The following CFAP74 variants were observed in gnomAD, a reference collection of about 807,000 sequenced individuals.
CFAP74 encodes cilia and flagella associated protein 74, also known as cilia- and flagella-associated protein 74.
Under a neutral mutation model 188.9 loss-of-function variants are expected in CFAP74, and 124 were observed. That is an observed-to-expected ratio of 0.66 (90% CI 0.57 to 0.76). CFAP74 has a LOEUF of 0.76. Ranked by LOEUF, CFAP74 falls within the 30% of genes least tolerant of loss-of-function variation. The pLI, the probability that CFAP74 is intolerant of heterozygous loss-of-function variation, is 0.00. For synonymous variants in CFAP74, 956 were observed against 916.7 expected, an observed-to-expected ratio of 1.04 and a Z score of -0.77; for missense variants, 2,198 against 2,165.2, an observed-to-expected ratio of 1.02 and a Z score of -0.30.
Position 1,942,126 on chromosome 1 carries a change from C to G in CFAP74, c.2517G>C (p.Glu839Asp). 1 of 1,527,776 alleles carries G rather than the reference C, an allele frequency of 6.5e-7. No individual in the cohort carries two copies. The highest frequency in any genetic ancestry group is 8.7e-7 in the Non-Finnish European group (1 of 1,143,686). 94.6% of individuals were successfully genotyped at this position (1,527,776 alleles called of 1,614,324 possible). ...GGTGGGCCCTCAGCTCCTTGCACAC[C>G]TCGAACTTCAGGCGCAGGGCAGCTT... ...RSKAALRLKF[E>D]VCKELRAHLE... is the part of the protein sequence containing the mutation. The change falls in exon 22 of 39, where the codon GAG becomes GAC. Residue 839 changes from glutamate to aspartate, a missense_variant. Glu to Asp is a conservative substitution (Grantham distance 45). Transcript: ENST00000682832. The surrounding 1 kb of genome is among the most constrained non-coding windows in gnomAD (Gnocchi z 4.3).
chr1:1,995,825 A>G (rs13302991), intron 1 of CFAP74, among the ~76,000 whole-genome samples: 51,167 of 148,018 alleles, frequency 0.35, 9,554 homozygotes, highest in African/African-American at 0.51. Context: ...GGAGAATGGC[A>G]TGAACCCGGG....
chr1:1,951,446 G>A (rs1189079074), intron 18 of CFAP74, among the ~76,000 whole-genome samples: 3 of 152,116 alleles, frequency 2.0e-5, no homozygotes, highest in African/African-American at 7.2e-5. Flanking sequence ...TTGCACCTCT[G>A]TTCAAAACCA....
rs1200747559 is a variant in CFAP74 at position 1,946,412 on chromosome 1, T to C, written c.2269A>G (p.Ser757Gly). 2.0e-6 allele frequency: 3 copies of C among 1,536,880 alleles called. No homozygotes were observed. The highest frequency in any genetic ancestry group is 2.0e-5 in the Admixed American group (1 of 50,940). The change falls in exon 20 of 39, where the codon AGC becomes GGC. Residue 757 changes from serine (S) to glycine (G), a missense_variant. By Grantham distance (56) the Ser-to-Gly change is moderately conservative (BLOSUM62 0). Transcript: ENST00000682832. Reference sequence around the variant, plus strand: ...AAGACGATGGGCACCTTGATGGAGCTGAAGGGGCCAATTTCCCCTTCTGTT... The same window carrying C: ...AAGACGATGGGCACCTTGATGGAGCCGAAGGGGCCAATTTCCCCTTCTGTT... ...EVTEGEIGPF[S>G]SIKVPIVFTP...
chr1:1,925,354 G>A (rs112502664), intron 33 of CFAP74, among the ~76,000 whole-genome samples: 1 of 152,146 alleles, frequency 6.6e-6, no homozygotes, highest in Non-Finnish European at 1.5e-5. Context: ...AGGCATGAGA[G>A]CACACAGGGC....
At chr1:1,977,900 C>T (rs531597033) in intron 6 of CFAP74, among the ~76,000 whole-genome samples, 26 of 152,294 alleles carry the variant, frequency 1.7e-4, no homozygotes, top group Admixed American at 1.0e-3. Context: ...AGTGCAGTGG[C>T]GCAGTCTCAG....
At chr1:1,977,083 C>T (rs977638559) in intron 6 of CFAP74, among the ~76,000 whole-genome samples, 5 of 152,036 alleles carry the variant, frequency 3.3e-5, no homozygotes, top group South Asian at 2.1e-4. Context: ...CTCCTGACCT[C>T]ATGATCCACC....
intron 18 of CFAP74, among the ~76,000 whole-genome samples, chr1:1,948,577 T>G (rs541380491): frequency 3.5e-4 from 51 of 143,772 alleles, no homozygotes; most frequent in Admixed American, 5.7e-4. Flanking sequence ...TTCTAGTCTT[T>G]TCTTTCCTTT....
At position 1,974,134 on chromosome 1, in the gene CFAP74, C is replaced by CA; in HGVS notation, c.564dup (p.Glu189Ter). On this transcript the variant is annotated frameshift_variant, in exon 7 of 39. Coordinates refer to ENST00000682832, the MANE Select transcript of CFAP74 (RefSeq NM_001304360.2). LOFTEE classifies it high-confidence loss of function. ...CGCCGCCCCGTGGCCTCCACCTCCTCACGGTCAGCTGTCCGGAAGGCCTCG... is the reference window on the plus strand; with the variant it reads ...CGCCGCCCCGTGGCCTCCACCTCCTCAACGGTCAGCTGTCCGGAAGGCCTCG... The CA allele has an allele frequency of 6.2e-7, 1 of 1,612,752 alleles. No individual in the cohort carries two copies. Among genetic ancestry groups the CA allele is most frequent in the Non-Finnish European group, 8.5e-7 (1 of 1,179,360 alleles).
rs551826396 is a variant in CFAP74, at chr1:1,954,951, T to C, written c.2176+740A>G. ...ACCACGAACGCTCCCAAGTGTGCACTGGCAGAAGGACGGATCTAGAACCCG... is the reference window on the plus strand; with the variant it reads ...ACCACGAACGCTCCCAAGTGTGCACCGGCAGAAGGACGGATCTAGAACCCG... On this transcript the variant is annotated intron_variant, in intron 18 of 38. Coordinates refer to ENST00000682832, the MANE Select transcript of CFAP74 (RefSeq NM_001304360.2). 2.3e-4 allele frequency: 270 copies of C among 1,194,276 alleles called. 5 individuals carry two copies. The highest frequency in any genetic ancestry group is 2.7e-4 in the Non-Finnish European group (258 of 947,378). 74.0% of individuals were successfully genotyped at this position (1,194,276 alleles called of 1,614,324 possible).
chr1:1,972,287 G>T (rs1489791930), intron 8 of CFAP74, among the ~76,000 whole-genome samples: 2 of 152,220 alleles, frequency 1.3e-5, no homozygotes, highest in South Asian at 2.1e-4. Context: ...GCCGTGTGGG[G>T]TGTTAATTAC....
Position 1,981,518 on chromosome 1 carries a change from T to G in CFAP74, c.500+3868A>C, listed in dbSNP as rs377696656. On this transcript the variant is annotated intron_variant, in intron 6 of 38. Coordinates refer to ENST00000682832, the MANE Select transcript of CFAP74 (RefSeq NM_001304360.2). Reference sequence around the variant, plus strand: ...CAGGACACCCAACCACGGACAGACATGGGGGCACGCAGGACACACAGCCGC... The same window carrying G: ...CAGGACACCCAACCACGGACAGACAGGGGGGCACGCAGGACACACAGCCGC... Among the ~76,000 whole-genome samples the G allele has an allele frequency of 4.5e-3, 155 of 34,814 alleles. 10 individuals carry two copies. The highest frequency in any genetic ancestry group is 0.014 in the East Asian group (14 of 970). 22.8% of individuals were successfully genotyped at this position (34,814 alleles called of 152,430 possible).
chr1:1,969,041 C>G (rs952487315), intron 10 of CFAP74, among the ~76,000 whole-genome samples: 1 of 152,152 alleles, frequency 6.6e-6, no homozygotes, highest in Non-Finnish European at 1.5e-5. Context: ...GGGGTGGGAA[C>G]TTCCTGGTCC....
chr1:1,966,286 G>T, intron 12 of CFAP74, 85 bp downstream of exon 12: 1 of 1,284,774 alleles, frequency 7.8e-7, no homozygotes, highest in Non-Finnish European at 1.0e-6. Context: ...CAGCTGGTGT[G>T]GCCGGGGCAG....
At position 1,991,473 on chromosome 1, in the gene CFAP74, C is replaced by G. The variant is rs565801296; in HGVS notation, c.-19-498G>C. 1.6e-4 allele frequency among the ~76,000 whole-genome samples: 25 copies of G among 152,240 alleles called. No individual in the cohort carries two copies. The South Asian group carries it at 2.9e-3, about 18-fold the overall frequency. On this transcript the variant is annotated intron_variant, in intron 1 of 38. Coordinates refer to ENST00000682832, the MANE Select transcript of CFAP74 (RefSeq NM_001304360.2). ...ACAACATTAGCTGGGTGTGGTGGCG[C>G]ATGCCTATAATCCCAGCTACTCAGG...
chr1:1,966,492 C>A lies in CFAP74; in HGVS notation c.1280G>T (p.Arg427Leu). The change falls in exon 12 of 39, where the codon CGG (arginine) becomes CTG (leucine). Residue 427 changes from arginine to leucine, a missense_variant. By Grantham distance (102) the Arg-to-Leu change is moderately radical. Coordinates refer to ENST00000682832, the MANE Select transcript of CFAP74 (RefSeq NM_001304360.2). Reference sequence around the variant, plus strand: ...CTCACTGGAAACGACTTCCAGCAACCGAGAGGGCCCGGGGCCTGCAGCAGC... The same window carrying A: ...CTCACTGGAAACGACTTCCAGCAACAGAGAGGGCCCGGGGCCTGCAGCAGC... ...YEAAAGPGPS[R>L]LLEVVSSELI... is the part of the protein sequence containing the mutation. 1 of 1,596,426 alleles carries A rather than the reference C, an allele frequency of 6.3e-7. No individual in the cohort carries two copies. The highest frequency in any genetic ancestry group is 1.1e-5 in the South Asian group (1 of 89,134).
chr1:1,936,941 G>A (rs1652940572), intron 25 of CFAP74, among the ~76,000 whole-genome samples: 1 of 151,664 alleles, frequency 6.6e-6, no homozygotes, highest in Non-Finnish European at 1.5e-5. Context: ...TAAAAGTTCA[G>A]AAACAAATAA....
At position 1,970,764 on chromosome 1, in the gene CFAP74, T is replaced by C; in HGVS notation, c.941A>G (p.Glu314Gly). 1 of 1,614,134 alleles carries C rather than the reference T, an allele frequency of 6.2e-7. No individual in the cohort carries two copies. The highest frequency in any genetic ancestry group is 1.1e-5 in the South Asian group (1 of 91,088). ...CTTCTTCTCAGCCTGGACCCTCTGC[T>C]CCGCCAGCTCTGCCTTGGCACGGTC... is the stretch of plus-strand genomic sequence containing the variant. The part of the protein sequence containing the change: ...AWDRAKAELA[E>G]QRVQAEKKAI... Residue 314 changes from glutamate (E) to glycine (G), a missense_variant, in exon 10 of 39, where the codon GAG (glutamate) becomes GGG (glycine). Physicochemically the swap from Glu to Gly is moderately conservative, Grantham distance 98 (BLOSUM62 -2). Coordinates refer to ENST00000682832, the MANE Select transcript of CFAP74 (RefSeq NM_001304360.2).
Position 1,927,673 on chromosome 1 carries a change from C to A in CFAP74, c.3461G>T (p.Arg1154Leu), listed in dbSNP as rs1428077009. The change falls in exon 28 of 39, where the codon CGC becomes CTC. Residue 1154 changes from arginine (R) to leucine (L), a missense_variant. Physicochemically the swap from Arg to Leu is moderately radical, Grantham distance 102. Coordinates refer to ENST00000682832, the MANE Select transcript of CFAP74 (RefSeq NM_001304360.2). Reference protein sequence around the residue: ...LSFSVLRAQNRDKLFKVSVPH... With the variant: ...LSFSVLRAQNLDKLFKVSVPH... ...GACAGAGACTTTGAACAGCTTGTCG[C>A]GGTTCTGTGCTCGAAGAACGGAGAA... 6.5e-7 allele frequency: 1 copy of A among 1,550,192 alleles called. No individual in the cohort carries two copies. The highest frequency in any genetic ancestry group is 1.2e-5 in the South Asian group (1 of 84,066).
chr1:1,943,002 G>A (rs1263973484), intron 21 of CFAP74, among the ~76,000 whole-genome samples: 1 of 152,150 alleles, frequency 6.6e-6, no homozygotes, highest in Non-Finnish European at 1.5e-5. Context: ...GTCTGGGCAC[G>A]CCAGCCTCTG....
Sources: gnomAD v4.1 joint callset for allele counts (sites outside exome capture counted in the v4.1 genomes callset) on GRCh38, gnomAD v4.1.1 for gene constraint, Gnocchi (gnomAD v3.1) non-coding constraint, MANE v1.5 for transcripts, NCBI Gene and HGNC (gene_info 2026-07-23, HGNC 2026-07-21) for gene names.